Variants in CACNA2D3 observed in about 807,000 individuals in gnomAD.
CACNA2D3 encodes the protein voltage-dependent calcium channel subunit alpha-2/delta-3.
CACNA2D3 carries 60 observed loss-of-function variants against 160.6 expected under a neutral mutation model. That is an observed-to-expected ratio of 0.37 (90% confidence interval 0.30 to 0.46). The LOEUF (loss-of-function observed/expected upper bound fraction) is 0.46. Ranked by LOEUF, CACNA2D3 falls within the 20% of genes least tolerant of loss-of-function variation. The pLI is 1.00. For synonymous variants in CACNA2D3, 558 were observed against 492.9 expected (o/e 1.13, Z -1.75); for missense variants, 1,205 against 1,365.0 (o/e 0.88, Z 1.85).
chr3:54,317,100 T>C (rs1344320132), intron 2 of CACNA2D3, among the ~76,000 whole-genome samples: 1 of 152,226 alleles, frequency 6.6e-6, no homozygotes, highest in Non-Finnish European at 1.5e-5. Context: ...AGTTTCAATG[T>C]TGGTTTTTGG....
At chr3:54,279,319 G>C (rs1390907519) in intron 2 of CACNA2D3, among the ~76,000 whole-genome samples, 2 of 152,196 alleles carry the variant, frequency 1.3e-5, no homozygotes, top group Non-Finnish European at 2.9e-5. Context: ...GCAGGCGGGT[G>C]GGCAGCAGTG....
chr3:54,230,241 G>A (rs779194188), intron 2 of CACNA2D3, among the ~76,000 whole-genome samples: 1 of 151,996 alleles, frequency 6.6e-6, no homozygotes, highest in Non-Finnish European at 1.5e-5. Context: ...TTATTACAGG[G>A]AAATTATGCC....
At chr3:54,625,707 C>G (rs1359416969) in intron 9 of CACNA2D3, among the ~76,000 whole-genome samples, 1 of 152,170 alleles carries the variant, frequency 6.6e-6, no homozygotes. Flanking sequence ...AGAACCCACC[C>G]AAACTTTGGC....
At chr3:54,405,934 G>T (rs74944777) in intron 4 of CACNA2D3, among the ~76,000 whole-genome samples, 3 of 151,766 alleles carry the variant, frequency 2.0e-5, no homozygotes, top group East Asian at 3.9e-4. Flanking sequence ...AATGGCCCAC[G>T]GATACACAGA....
At position 54,838,406 on chromosome 3, in the gene CACNA2D3, G is replaced by C. The variant is rs185227800; in HGVS notation, c.1471-162G>C. Among the ~76,000 whole-genome samples, 316 of 152,264 alleles carry C rather than the reference G, an allele frequency of 2.1e-3. 2 individuals are homozygous for C. Among genetic ancestry groups the C allele is most frequent in the African/African-American group, 7.0e-3 (289 of 41,556 alleles). On this transcript the variant is annotated intron_variant, in intron 15 of 37. Coordinates refer to ENST00000474759, the MANE Select transcript of CACNA2D3 (RefSeq NM_018398.3). ...TTACCCAGTAACATTTTGGGTGGAG[G>C]GTGGGGGATAGAAGAGACCATTCTT...
chr3:54,460,993 T>C (rs1700493421), intron 4 of CACNA2D3, among the ~76,000 whole-genome samples: 1 of 152,160 alleles, frequency 6.6e-6, no homozygotes, highest in Non-Finnish European at 1.5e-5. Flanking sequence ...GAAGAGTTGT[T>C]GAATTTTGTC....
intron 4 of CACNA2D3, among the ~76,000 whole-genome samples, chr3:54,440,767 G>T (rs1355980927): frequency 6.6e-6 from 1 of 152,078 alleles, no homozygotes; most frequent in Non-Finnish European, 1.5e-5. Flanking sequence ...ATAGTTTGCT[G>T]AGAATGATGG....
intron 4 of CACNA2D3, among the ~76,000 whole-genome samples, chr3:54,391,516 CTTTT>C (rs758458509): frequency 7.0e-6 from 1 of 142,034 alleles, no homozygotes; most frequent in East Asian, 2.1e-4. Context: ...TTCTTTCTTT[CTTTT>C]TTTTTTTTGA....
chr3:54,809,063 C>T (rs934588232), intron 13 of CACNA2D3, among the ~76,000 whole-genome samples: 1 of 152,064 alleles, frequency 6.6e-6, no homozygotes, highest in Non-Finnish European at 1.5e-5. Flanking sequence ...ACGGATGAGA[C>T]CTCTAGAGTT....
At chr3:54,150,825 T>G (rs1463454776) in intron 2 of CACNA2D3, among the ~76,000 whole-genome samples, 1 of 42,606 alleles carries the variant, frequency 2.3e-5, no homozygotes, top group Non-Finnish European at 4.6e-5. Flanking sequence ...TAATACATGA[T>G]GGATGGATGG....
intron 35 of CACNA2D3, among the ~76,000 whole-genome samples, chr3:55,024,430 TGTGATA>T (rs1351557092): frequency 6.6e-6 from 1 of 152,036 alleles, no homozygotes. Flanking sequence ...TAATCCCCAA[TGTGATA>T]GTATTAAGAA....
At chr3:54,649,422 A>G (rs1371487644) in intron 11 of CACNA2D3, among the ~76,000 whole-genome samples, 2 of 152,252 alleles carry the variant, frequency 1.3e-5, no homozygotes, top group Non-Finnish European at 2.9e-5. Context: ...CTCCCTCTAC[A>G]GAGGCTCGGG....
chr3:54,408,451 C>T (rs867240711), intron 4 of CACNA2D3, among the ~76,000 whole-genome samples: 4 of 151,634 alleles, frequency 2.6e-5, no homozygotes, highest in Non-Finnish European at 5.9e-5. Flanking sequence ...CCTGAAAGAA[C>T]AGTTTTTTCC....
chr3:54,869,216 A>T (rs142246412), intron 17 of CACNA2D3, among the ~76,000 whole-genome samples: 3 of 152,364 alleles, frequency 2.0e-5, no homozygotes, highest in African/African-American at 7.2e-5. Flanking sequence ...AGGCTTAGAC[A>T]TGAAAATTTG....
chr3:54,185,813 G>T (rs1700870567), intron 2 of CACNA2D3, among the ~76,000 whole-genome samples: 1 of 152,152 alleles, frequency 6.6e-6, no homozygotes, highest in African/African-American at 2.4e-5. Flanking sequence ...TCCTGTGTTA[G>T]ATCTGATGAC....
intron 27 of CACNA2D3, among the ~76,000 whole-genome samples, chr3:54,940,347 A>G (rs893224703): frequency 3.3e-5 from 5 of 152,242 alleles, no homozygotes; most frequent in Non-Finnish European, 5.9e-5. Context: ...ACTTCCCTGT[A>G]GTATAGTATA....
At chr3:54,131,670 A>C (rs1000009949) in intron 2 of CACNA2D3, among the ~76,000 whole-genome samples, 2 of 152,248 alleles carry the variant, frequency 1.3e-5, no homozygotes, top group African/African-American at 4.8e-5. Context: ...TAATTAGTTC[A>C]TAAAATTAAG....
intron 10 of CACNA2D3, 115 bp downstream of exon 10, chr3:54,627,991 G>T: frequency 1.4e-6 from 1 of 715,486 alleles, no homozygotes; most frequent in South Asian, 1.6e-5. Context: ...CCAGCCCTTT[G>T]GGAGGCCGAG....
chr3:54,992,858 C>A (rs1349307621), intron 31 of CACNA2D3, among the ~76,000 whole-genome samples: 1 of 151,996 alleles, frequency 6.6e-6, no homozygotes, highest in Non-Finnish European at 1.5e-5. Flanking sequence ...ACTCACAGTT[C>A]CACAGGCTGT....
Sources: allele counts gnomAD v4.1 joint callset (sites outside exome capture counted in the v4.1 genomes callset), GRCh38; gene constraint gnomAD v4.1.1; transcripts MANE v1.5; gene names NCBI Gene and HGNC (gene_info 2026-07-23, HGNC 2026-07-21).